NR2C2: variants seen among roughly 807,000 people sequenced by gnomAD.
NR2C2 encodes Nuclear hormone receptor TR4.
Under a neutral mutation model 62.9 loss-of-function variants are expected in NR2C2, and 6 were observed. The observed-to-expected ratio is 0.10, with a 90% CI of 0.05 to 0.19. The LOEUF (loss-of-function observed/expected upper bound fraction) is 0.19. Ranked by LOEUF, NR2C2 falls within the 10% of genes least tolerant of loss-of-function variation. NR2C2 has a pLI of 1.00. For synonymous variants in NR2C2, 272 were observed against 273.8 expected (o/e 0.99, Z 0.07); for missense variants, 479 against 762.7 (o/e 0.63, Z 4.38).
intron 1 of NR2C2, among the ~76,000 whole-genome samples, chr3:14,951,789 C>T (rs2039369493): frequency 6.6e-6 from 1 of 151,962 alleles, no homozygotes; most frequent in Non-Finnish European, 1.5e-5. Context: ...GCTCTGTCAC[C>T]CAGGCTGGAG....
At chr3:14,970,400 G>A (rs1167444929) in intron 1 of NR2C2, among the ~76,000 whole-genome samples, 5 of 152,040 alleles carry the variant, frequency 3.3e-5, no homozygotes, top group African/African-American at 9.7e-5. Flanking sequence ...TGGTCACATT[G>A]TTCTGTAACC....
rs2042417005 is a variant in NR2C2, at chr3:15,045,479, T to A, written c.*2471T>A. The A allele has an allele frequency of 1.3e-5, 2 of 152,738 alleles. No homozygotes were observed. The highest frequency in any genetic ancestry group is 1.3e-4 in the Admixed American group (2 of 15,284). 9.5% of individuals were successfully genotyped at this position (152,738 alleles called of 1,614,324 possible). A position where few individuals can be genotyped will look rare whatever the true frequency, so the allele number is the denominator to read the frequency against. On this transcript the variant is annotated 3_prime_UTR_variant, in exon 14 of 14. Coordinates refer to ENST00000425241, the MANE Select transcript of NR2C2 (RefSeq NM_001291694.2). ...GCTCTTTAAGTCCCCTTGCTGGTGATGGCTGATTCCAGGGACTGTTTTGGG... is the reference window on the plus strand; with the variant it reads ...GCTCTTTAAGTCCCCTTGCTGGTGAAGGCTGATTCCAGGGACTGTTTTGGG...
chr3:14,970,738 G>A (rs1433175471), intron 1 of NR2C2, among the ~76,000 whole-genome samples: 2 of 152,038 alleles, frequency 1.3e-5, no homozygotes, highest in African/African-American at 4.8e-5. Flanking sequence ...TCTGTCAGTG[G>A]GCATTTGGGT....
At chr3:15,026,180 G>A (rs1425233727) in intron 7 of NR2C2, 1 of 151,964 alleles carries the variant, frequency 6.6e-6, no homozygotes, top group Non-Finnish European at 1.5e-5. Flanking sequence ...CACCACGCCT[G>A]GCTAATTTTT....
chr3:15,030,271 A>C lies in NR2C2; in HGVS notation c.933-4A>C. On this transcript the variant is annotated splice_region_variant and splice_polypyrimidine_tract_variant and intron_variant, in intron 8 of 13. Coordinates refer to ENST00000425241, the MANE Select transcript of NR2C2 (RefSeq NM_001291694.2). The stretch of plus-strand genomic sequence containing the variant: ...ACAATTACATGCTTCATTTTTGCTC[A>C]CAGGGCATTTGATACCTTAGCTAAA... The C allele has an allele frequency of 3.7e-6, 6 of 1,606,762 alleles. No individual in the cohort carries two copies. The highest frequency in any genetic ancestry group is 5.1e-6 in the Non-Finnish European group (6 of 1,177,784).
intron 2 of NR2C2, 63 bp downstream of exon 2, chr3:15,004,049 T>C: frequency 7.4e-7 from 1 of 1,358,706 alleles, no homozygotes; most frequent in South Asian, 1.3e-5. Context: ...AAAACAAACC[T>C]TCCTAAGGGT....
At chr3:15,011,956 T>TA (rs2041366835) in intron 2 of NR2C2, among the ~76,000 whole-genome samples, 2 of 152,198 alleles carry the variant, frequency 1.3e-5, no homozygotes, top group African/African-American at 4.8e-5. Flanking sequence ...CACTGACTGA[T>TA]ATTATTTATT....
intron 4 of NR2C2, among the ~76,000 whole-genome samples, chr3:15,017,718 G>C (rs1415661452): frequency 1.3e-5 from 2 of 152,034 alleles, no homozygotes; most frequent in Non-Finnish European, 2.9e-5. Context: ...TATTATAGAA[G>C]GCACTTTACC....
At chr3:15,030,211 A>G (rs1417001577) in intron 8 of NR2C2, 64 bp from the exon 9 acceptor site, 6 of 1,328,958 alleles carry the variant, frequency 4.5e-6, no homozygotes, top group Non-Finnish European at 6.3e-6. Flanking sequence ...AATCATAGCT[A>G]GAATTCTGTT....
Position 15,043,127 on chromosome 3 carries a change from G to T in NR2C2, c.*119G>T. The T allele has an allele frequency of 1.1e-6, 1 of 918,088 alleles. No individual in the cohort carries two copies. The allele number at this position is 918,088 out of a possible 1,614,324, so 56.9% of individuals were successfully genotyped here. A position where few individuals can be genotyped will look rare whatever the true frequency, so the allele number is the denominator to read the frequency against. ...TCCATATGTTAGCCATTTCCTGTCT[G>T]GTTTCTCCTTATCTGTTAATCCCAG... On this transcript the variant is annotated 3_prime_UTR_variant, in exon 14 of 14. Coordinates refer to ENST00000425241, the MANE Select transcript of NR2C2 (RefSeq NM_001291694.2).
chr3:15,018,969 C>G (rs980160074), intron 4 of NR2C2, among the ~76,000 whole-genome samples: 1 of 141,832 alleles, frequency 7.1e-6, no homozygotes, highest in Non-Finnish European at 1.5e-5. Context: ...AAGCCAAGAT[C>G]GCACCACTGC....
chr3:15,039,077 T>G, intron 12 of NR2C2, 45 bp from the exon 13 acceptor site: 1 of 1,431,092 alleles, frequency 7.0e-7, no homozygotes, highest in Non-Finnish European at 9.8e-7. Flanking sequence ...AGTGAGACTT[T>G]TCAAATACAG....
intron 12 of NR2C2, chr3:15,038,774 TTATATA>T (rs2042171863): frequency 1.0e-5 from 2 of 194,010 alleles, no homozygotes; most frequent in Admixed American, 5.3e-5. Flanking sequence ...TTGGGACAAA[TTATATA>T]ATTATTTAGA....
intron 9 of NR2C2, 89 bp from the exon 10 acceptor site, chr3:15,032,290 A>G (rs1171258334): frequency 1.6e-5 from 25 of 1,572,932 alleles, no homozygotes; most frequent in Non-Finnish European, 2.1e-5. Flanking sequence ...TGCCACTGCT[A>G]TTGAAGCATG....
intron 8 of NR2C2, among the ~76,000 whole-genome samples, chr3:15,029,743 C>T (rs2041915808): frequency 6.6e-6 from 1 of 150,940 alleles, no homozygotes; most frequent in South Asian, 2.1e-4. Flanking sequence ...TCACTTGATC[C>T]CAGGGGTTTG....
At chr3:14,976,602 CTT>C (rs533538010) in intron 1 of NR2C2, among the ~76,000 whole-genome samples, 7 of 90,736 alleles carry the variant, frequency 7.7e-5, no homozygotes, top group African/African-American at 1.0e-4. Context: ...TCCTTCCTTC[CTT>C]TTTTTTTTTT....
chr3:15,001,261 C>T (rs2040986594), intron 1 of NR2C2, among the ~76,000 whole-genome samples: 1 of 148,276 alleles, frequency 6.7e-6, no homozygotes, highest in Non-Finnish European at 1.5e-5. Context: ...ATTTCATTTT[C>T]AGATTGCTCA....
At chr3:15,007,219 C>T (rs984046595) in intron 2 of NR2C2, among the ~76,000 whole-genome samples, 8 of 151,794 alleles carry the variant, frequency 5.3e-5, no homozygotes, top group Non-Finnish European at 1.0e-4. Flanking sequence ...CCTCCGCCTC[C>T]CGGGTTCATG....
At chr3:14,949,512 C>T (rs978869155) in intron 1 of NR2C2, among the ~76,000 whole-genome samples, 1 of 152,158 alleles carries the variant, frequency 6.6e-6, no homozygotes, top group African/African-American at 2.4e-5. Flanking sequence ...TAGTGAGGAA[C>T]AAATCTTCAA....
Sources: allele counts gnomAD v4.1 joint callset (sites outside exome capture counted in the v4.1 genomes callset), GRCh38; gene constraint gnomAD v4.1.1; transcripts MANE v1.5; gene names NCBI Gene and HGNC (gene_info 2026-07-23, HGNC 2026-07-21).